CSGALNACT1: variants seen among roughly 807,000 people sequenced by gnomAD.
CSGALNACT1 encodes beta4GalNAcT-1.
In CSGALNACT1, 52 loss-of-function variants were observed where a neutral mutation model predicts 51.0. The ratio of observed to expected loss-of-function variants is 1.02; its 90% confidence interval spans 0.82 to 1.29. The LOEUF (loss-of-function observed/expected upper bound fraction) is 1.29, where lower values mean the gene tolerates loss of function less well. CSGALNACT1 is among the 50% of genes most tolerant of loss of function. The pLI, the probability that CSGALNACT1 is intolerant of heterozygous loss-of-function variation, is 0.00. For missense variants in CSGALNACT1, 935 were observed against 679.2 expected (o/e 1.38, Z -4.19); for synonymous variants, 341 against 254.4 (o/e 1.34, Z -3.24).
rs574269199 is a variant in CSGALNACT1, at chr8:19,436,293, T to A, written c.953+3537A>T. 3.9e-5 allele frequency among the ~76,000 whole-genome samples: 6 copies of A among 152,244 alleles called. No homozygotes were observed. In the East Asian group the frequency reaches 1.2e-3, roughly 29 times the overall value. On this transcript the variant is annotated intron_variant, in intron 6 of 9. Transcript: ENST00000454498. The stretch of plus-strand genomic sequence containing the variant: ...ACTACTTTCAACTAACAACTATGGG[T>A]TTTAGGAGCGAGCATATTAGAGTGA...
chr8:19,618,911 A>G (rs1423233528), intron 1 of CSGALNACT1, among the ~76,000 whole-genome samples: 1 of 152,150 alleles, frequency 6.6e-6, no homozygotes, highest in African/African-American at 2.4e-5. Flanking sequence ...CTGTAAGAGA[A>G]GAGAAATTTT....
intron 3 of CSGALNACT1, among the ~76,000 whole-genome samples, chr8:19,577,567 A>G (rs78674229): frequency 6.6e-6 from 1 of 151,016 alleles, no homozygotes; most frequent in Admixed American, 6.6e-5. Flanking sequence ...TCAAAAAAAA[A>G]AAAAATTAAA....
intron 1 of CSGALNACT1, among the ~76,000 whole-genome samples, chr8:19,667,019 G>GA (rs1564386424): frequency 1.4e-4 from 4 of 29,304 alleles, no homozygotes; most frequent in East Asian, 9.1e-4. Context: ...AAGAAAGAAA[G>GA]GAAGGAAGGA....
At chr8:19,662,750 G>A (rs1016938621) in intron 1 of CSGALNACT1, among the ~76,000 whole-genome samples, 4 of 152,160 alleles carry the variant, frequency 2.6e-5, no homozygotes, top group Non-Finnish European at 5.9e-5. Context: ...GTCCACACTG[G>A]TAATGCTCAC....
At chr8:19,730,323 C>T (rs947154973) in intron 1 of CSGALNACT1, among the ~76,000 whole-genome samples, 1 of 152,162 alleles carries the variant, frequency 6.6e-6, no homozygotes, top group African/African-American at 2.4e-5. Context: ...CCCTGGCTGG[C>T]TGCGGTGGGA....
In CSGALNACT1 at chr8:19,553,616, A is replaced by AATACAT. The variant is rs1554697167; in HGVS notation, c.-297+37538_-297+37543dup. Among the ~76,000 whole-genome samples the AATACAT allele has an allele frequency of 5.8e-5, 5 of 85,710 alleles. 1 individual carries two copies. Among genetic ancestry groups the AATACAT allele is most frequent in the African/African-American group, 3.0e-4 (4 of 13,290 alleles). The allele number at this position is 85,710 out of a possible 152,430, so 56.2% of individuals were successfully genotyped here. A position where few individuals can be genotyped will look rare whatever the true frequency, so the allele number is the denominator to read the frequency against. On this transcript the variant is annotated intron_variant, in intron 3 of 9. Transcript: ENST00000454498. ...ATATAAAAATACATTTATGTATATA[A>AATACAT]ATACATATATATATATATATATAAA...
intron 3 of CSGALNACT1, among the ~76,000 whole-genome samples, chr8:19,549,853 A>G (rs34240343): frequency 0.33 from 50,702 of 151,700 alleles, 9,606 homozygotes; most frequent in African/African-American, 0.53. Flanking sequence ...AGATTTGGAA[A>G]GTACAGCTGT....
upstream of CSGALNACT1, among the ~76,000 whole-genome samples, chr8:19,606,452 G>T (rs1265451180): frequency 1.3e-5 from 2 of 152,132 alleles, no homozygotes; most frequent in Non-Finnish European, 2.9e-5. Context: ...ATGATAAATT[G>T]TGTGTTACTA....
intron 1 of CSGALNACT1, among the ~76,000 whole-genome samples, chr8:19,667,016 A>AAAGAAAGAAAGG (rs2059384235): frequency 9.2e-5 from 4 of 43,470 alleles, no homozygotes; most frequent in South Asian, 7.6e-4. Flanking sequence ...AGAAAGAAAG[A>AAAGAAAGAAAGG]AAGGAAGGAA....
chr8:19,495,143 C>T (rs1029666436), intron 4 of CSGALNACT1: 2 of 152,166 alleles, frequency 1.3e-5, no homozygotes, highest in African/African-American at 4.8e-5. Context: ...TAGACCCTAT[C>T]TCTTGCTTGC....
At chr8:19,429,219 C>T (rs1468337459) in intron 6 of CSGALNACT1, among the ~76,000 whole-genome samples, 1 of 152,182 alleles carries the variant, frequency 6.6e-6, no homozygotes, top group Non-Finnish European at 1.5e-5. Context: ...CTCTGTCACC[C>T]AGGCTGGAGT....
chr8:19,528,811 G>C (rs1285586832), intron 3 of CSGALNACT1, among the ~76,000 whole-genome samples: 1 of 152,098 alleles, frequency 6.6e-6, no homozygotes, highest in Non-Finnish European at 1.5e-5. Flanking sequence ...TGGCTGGAGG[G>C]AACTGACAGA....
intron 1 of CSGALNACT1, among the ~76,000 whole-genome samples, chr8:19,613,149 A>C (rs900909550): frequency 6.6e-6 from 1 of 152,110 alleles, no homozygotes; most frequent in Admixed American, 6.6e-5. Flanking sequence ...TAAAAATTTC[A>C]AGGTGTACCA....
intron 3 of CSGALNACT1, among the ~76,000 whole-genome samples, chr8:19,536,574 C>A (rs1225131000): frequency 6.6e-6 from 1 of 152,064 alleles, no homozygotes; most frequent in African/African-American, 2.4e-5. Flanking sequence ...CATGACTCAA[C>A]AGGAAATAAA....
chr8:19,554,195 G>C (rs1343899918), intron 3 of CSGALNACT1, among the ~76,000 whole-genome samples: 1 of 152,144 alleles, frequency 6.6e-6, no homozygotes, highest in Non-Finnish European at 1.5e-5. Context: ...CAAAGAAAAA[G>C]TACAAGTTAT....
intron 1 of CSGALNACT1, among the ~76,000 whole-genome samples, chr8:19,676,755 T>C (rs973157312): frequency 4.6e-5 from 7 of 152,238 alleles, no homozygotes; most frequent in Admixed American, 2.0e-4. Context: ...TGTTTAGACA[T>C]TGGCAAGAGG....
chr8:19,430,215 T>C (rs1229218070), intron 6 of CSGALNACT1, among the ~76,000 whole-genome samples: 1 of 152,256 alleles, frequency 6.6e-6, no homozygotes, highest in East Asian at 1.9e-4. Context: ...GTTCAACTTA[T>C]CTGCTTATTC....
chr8:19,710,982 C>T (rs950572727), intron 1 of CSGALNACT1, among the ~76,000 whole-genome samples: 1 of 152,114 alleles, frequency 6.6e-6, no homozygotes, highest in African/African-American at 2.4e-5. Flanking sequence ...TCTCCACATG[C>T]TTCAAGGAAG....
chr8:19,439,155 ATTCAT>A (rs1204794799), intron 6 of CSGALNACT1, among the ~76,000 whole-genome samples: 2 of 152,218 alleles, frequency 1.3e-5, no homozygotes, highest in Non-Finnish European at 2.9e-5. Context: ...GGGATTACTT[ATTCAT>A]TTATTTTTAT....
Sources: allele counts gnomAD v4.1 joint callset (sites outside exome capture counted in the v4.1 genomes callset), GRCh38; gene constraint gnomAD v4.1.1; transcripts MANE v1.5; gene names NCBI Gene and HGNC (gene_info 2026-07-23, HGNC 2026-07-21).